EPHA6: variants seen among roughly 807,000 people sequenced by gnomAD.
The protein encoded by EPHA6 is ephrin type-A receptor 6.
A neutral mutation model predicts 112.0 loss-of-function variants in EPHA6; 50 were observed. The observed-to-expected ratio is 0.45, with a 90% CI of 0.36 to 0.56. EPHA6 has a LOEUF of 0.56. EPHA6 is among the 20% of genes least tolerant of loss of function. EPHA6 has a pLI of 0.00. For synonymous variants in EPHA6, 529 were observed against 490.7 expected (o/e 1.08, Z -1.03); for missense variants, 1,280 against 1,417.4 (o/e 0.90, Z 1.56).
At chr3:97,393,986 G>A (rs1688365976) in intron 5 of EPHA6, among the ~76,000 whole-genome samples, 1 of 151,722 alleles carries the variant, frequency 6.6e-6, no homozygotes, top group Admixed American at 6.6e-5. Flanking sequence ...TGGACAGTCA[G>A]GTTGATTCAG....
chr3:97,567,372 TAG>T (rs2093280309), intron 11 of EPHA6, among the ~76,000 whole-genome samples: 1 of 152,094 alleles, frequency 6.6e-6, no homozygotes, highest in African/African-American at 2.4e-5. Flanking sequence ...ATCATTGGCA[TAG>T]AATACAATGG....
chr3:97,277,765 G>A (rs1332739319), intron 5 of EPHA6, among the ~76,000 whole-genome samples: 1 of 152,150 alleles, frequency 6.6e-6, no homozygotes, highest in Non-Finnish European at 1.5e-5. Flanking sequence ...TATGATGAAT[G>A]GAGCTTATAG....
At chr3:97,134,119 AG>A (rs35953972) in intron 3 of EPHA6, among the ~76,000 whole-genome samples, 2,733 of 152,138 alleles carry the variant, frequency 0.018, 102 homozygotes, top group African/African-American at 0.061. Flanking sequence ...ACAAATGAAG[AG>A]ATTTGATGTA....
chr3:97,623,850 T>C (rs1201286289), intron 13 of EPHA6, among the ~76,000 whole-genome samples: 3 of 151,710 alleles, frequency 2.0e-5, no homozygotes, highest in African/African-American at 7.2e-5. Context: ...CTCTAATCTA[T>C]TCCATTGGTC....
At chr3:97,602,947 A>G (rs1315782539) in intron 12 of EPHA6, among the ~76,000 whole-genome samples, 1 of 152,132 alleles carries the variant, frequency 6.6e-6, no homozygotes, top group East Asian at 1.9e-4. Flanking sequence ...TAGTAATTCA[A>G]CTATTAATTA....
At chr3:97,535,700 A>T (rs1430835381) in intron 11 of EPHA6, among the ~76,000 whole-genome samples, 2 of 152,168 alleles carry the variant, frequency 1.3e-5, no homozygotes, top group Non-Finnish European at 2.9e-5. Flanking sequence ...ACTGATCAAG[A>T]TAAAGATGCA....
intron 10 of EPHA6, among the ~76,000 whole-genome samples, chr3:97,489,050 C>T (rs371692265): frequency 6.6e-5 from 10 of 152,190 alleles, no homozygotes; most frequent in Middle Eastern, 3.2e-3. Flanking sequence ...ATTTAGTTAT[C>T]GTTCAGAAAT....
At chr3:96,835,417 G>GT (rs5851047) in intron 1 of EPHA6, among the ~76,000 whole-genome samples, 3,195 of 152,126 alleles carry the variant, frequency 0.021, 42 homozygotes, top group Non-Finnish European at 0.033. Flanking sequence ...TGAAACATGA[G>GT]TGGGTGCTCA....
rs1295595956 is a variant in EPHA6, at chr3:97,592,686, G to A, written c.2461G>A (p.Ala821Thr). The change falls in exon 12 of 18, where the codon GCC becomes ACC. Residue 821 changes from alanine (A) to threonine (T), a missense_variant. By Grantham distance (58) the Ala-to-Thr change is moderately conservative. This residue lies in a region of EPHA6 where 878 missense variants were observed against 999.7 expected (regional missense o/e 0.88). Coordinates refer to ENST00000389672, the MANE Select transcript of EPHA6 (RefSeq NM_001080448.3). ...LRAGFLNSIQ[A>T]PHPVPGGGSL... ...GGCAGGGTTTTTAAATAGCATCCAG[G>A]CCCCGCATCCAGTGCCAGGGGGAGG... 11 of 1,611,808 alleles carry A rather than the reference G, an allele frequency of 6.8e-6. No homozygotes were observed. The highest frequency in any genetic ancestry group is 1.7e-5 in the Admixed American group (1 of 59,464).
At chr3:97,434,124 A>C (rs1015752471) in intron 6 of EPHA6, among the ~76,000 whole-genome samples, 1 of 152,180 alleles carries the variant, frequency 6.6e-6, no homozygotes, top group Non-Finnish European at 1.5e-5. Context: ...AAAATCTAAC[A>C]TAGGTAATAT....
intron 4 of EPHA6, among the ~76,000 whole-genome samples, chr3:97,237,642 T>C (rs891111677): frequency 3.3e-5 from 5 of 152,084 alleles, no homozygotes; most frequent in African/African-American, 1.2e-4. Context: ...TCCATAATTG[T>C]TGCTACAATG....
intron 14 of EPHA6, among the ~76,000 whole-genome samples, chr3:97,648,111 A>G (rs772091880): frequency 6.6e-6 from 1 of 152,138 alleles, no homozygotes; most frequent in African/African-American, 2.4e-5. Context: ...CTTGATTTTA[A>G]CTTCTAATTG....
At chr3:97,724,165 A>T (rs569371033) in intron 15 of EPHA6, among the ~76,000 whole-genome samples, 242 of 152,238 alleles carry the variant, frequency 1.6e-3, no homozygotes, top group African/African-American at 5.2e-3. Context: ...TATGATTTTA[A>T]ATTAGTTTAA....
chr3:96,825,118 T>A (rs2033560956), intron 1 of EPHA6, among the ~76,000 whole-genome samples: 1 of 152,002 alleles, frequency 6.6e-6, no homozygotes, highest in South Asian at 2.1e-4. Context: ...GATGAATGAC[T>A]ACTCCAGAGA....
chr3:96,970,738 T>A (rs2042286662), intron 2 of EPHA6, among the ~76,000 whole-genome samples: 2 of 152,070 alleles, frequency 1.3e-5, no homozygotes, highest in Admixed American at 1.3e-4. Flanking sequence ...CTACGTAAAT[T>A]TATCTTGATT....
intron 2 of EPHA6, among the ~76,000 whole-genome samples, chr3:96,939,146 T>C (rs1040398176): frequency 2.6e-4 from 40 of 152,196 alleles, no homozygotes; most frequent in Non-Finnish European, 2.9e-5. Flanking sequence ...GGATTCCCTC[T>C]TTTTCTGTTG....
intron 3 of EPHA6, among the ~76,000 whole-genome samples, chr3:97,033,125 C>T (rs1453593995): frequency 1.3e-5 from 2 of 151,626 alleles, no homozygotes; most frequent in East Asian, 1.9e-4. Context: ...CCTGAGCAAG[C>T]GGTATTATGA....
intron 3 of EPHA6, among the ~76,000 whole-genome samples, chr3:97,111,345 G>A (rs1232383670): frequency 6.6e-6 from 1 of 151,652 alleles, no homozygotes; most frequent in Non-Finnish European, 1.5e-5. Flanking sequence ...AATTTTTTTT[G>A]CAATTGTATT....
intron 14 of EPHA6, among the ~76,000 whole-genome samples, chr3:97,669,377 A>G (rs1029471097): frequency 6.6e-6 from 1 of 151,568 alleles, no homozygotes. Context: ...TGCATCTCCC[A>G]GGAAATAAGC....
Sources: gnomAD v4.1 joint callset for allele counts (sites outside exome capture counted in the v4.1 genomes callset) on GRCh38, gnomAD v4.1.1 for gene constraint, gnomAD v4.1.1 regional missense constraint, MANE v1.5 for transcripts, NCBI Gene and HGNC (gene_info 2026-07-23, HGNC 2026-07-21) for gene names.